TCF7L1: variants seen among roughly 807,000 people sequenced by gnomAD.
TCF7L1 encodes the protein transcription factor 7-like 1.
In TCF7L1, 18 loss-of-function variants were observed where a neutral mutation model predicts 63.7. The ratio of observed to expected loss-of-function variants is 0.28; its 90% confidence interval spans 0.20 to 0.42. The LOEUF is 0.42. TCF7L1 is among the 10% of genes least tolerant of loss of function. TCF7L1 has a pLI of 1.00. For synonymous variants in TCF7L1, 355 were observed against 340.9 expected, an observed-to-expected ratio of 1.04 and a Z score of -0.46; for missense variants, 654 against 779.3, an observed-to-expected ratio of 0.84 and a Z score of 1.91.
Position 85,306,650 on chromosome 2 carries a change from T to A in TCF7L1, c.1257+91T>A. On this transcript the variant is annotated intron_variant, in intron 10 of 11. Coordinates refer to ENST00000282111, the MANE Select transcript of TCF7L1 (RefSeq NM_031283.3). The surrounding 1 kb of genome is among the most constrained non-coding windows in gnomAD (Gnocchi z 4.3). ...GTGAAGGAAAGCAACTGCATTTATTTTTATTTATTTTATTTTCTTTTATTT... is the reference window on the plus strand; with the variant it reads ...GTGAAGGAAAGCAACTGCATTTATTATTATTTATTTTATTTTCTTTTATTT... The A allele has an allele frequency of 1.0e-6, 1 of 980,756 alleles. No individual in the cohort carries two copies. The highest frequency in any genetic ancestry group is 1.5e-6 in the Non-Finnish European group (1 of 666,190). The allele number at this position is 980,756 out of a possible 1,614,324, so 60.8% of individuals were successfully genotyped here. A position where few individuals can be genotyped will look rare whatever the true frequency, so the allele number is the denominator to read the frequency against.
At chr2:85,196,702 T>G (rs1223693509) in intron 3 of TCF7L1, among the ~76,000 whole-genome samples, 1 of 152,150 alleles carries the variant, frequency 6.6e-6, no homozygotes, top group Non-Finnish European at 1.5e-5. Context: ...GATTCCAATG[T>G]GTAGTCAAGG....
chr2:85,212,742 GT>G (rs1195222338), intron 3 of TCF7L1, among the ~76,000 whole-genome samples: 1 of 152,106 alleles, frequency 6.6e-6, no homozygotes, highest in African/African-American at 2.4e-5. Context: ...CTTGGTGCAC[GT>G]CAGTATCTTG....
At chr2:85,282,573 A>T (rs1458275299) in intron 3 of TCF7L1, among the ~76,000 whole-genome samples, 1 of 152,172 alleles carries the variant, frequency 6.6e-6, no homozygotes, top group Non-Finnish European at 1.5e-5. Context: ...ACCGTGAGTG[A>T]TAATAACCTT....
intron 3 of TCF7L1, among the ~76,000 whole-genome samples, chr2:85,274,946 G>A (rs776061365): frequency 3.3e-5 from 5 of 152,250 alleles, no homozygotes; most frequent in East Asian, 1.9e-4. Context: ...ACAGCCACAC[G>A]TGAGATAATC....
intron 3 of TCF7L1, among the ~76,000 whole-genome samples, chr2:85,155,922 G>A (rs1353105607): frequency 6.6e-6 from 1 of 152,192 alleles, no homozygotes; most frequent in Admixed American, 6.5e-5. Context: ...CAGAACAAAA[G>A]GCCCAGCTTG....
chr2:85,204,428 G>A (rs184658483), intron 3 of TCF7L1, among the ~76,000 whole-genome samples: 3 of 151,718 alleles, frequency 2.0e-5, no homozygotes, highest in Non-Finnish European at 4.4e-5. Flanking sequence ...ATGTTGGTAG[G>A]CATGTTAAGA....
chr2:85,259,024 G>A (rs1451415591), intron 3 of TCF7L1, among the ~76,000 whole-genome samples: 2 of 152,068 alleles, frequency 1.3e-5, no homozygotes, highest in African/African-American at 2.4e-5. Flanking sequence ...CCCCACACTC[G>A]GTGACACCCC....
At chr2:85,136,543 C>A (rs1677599488) in intron 3 of TCF7L1, among the ~76,000 whole-genome samples, 1 of 152,148 alleles carries the variant, frequency 6.6e-6, no homozygotes, top group Non-Finnish European at 1.5e-5. Flanking sequence ...GCCCAGGCAC[C>A]AGCCTCCTTT....
intron 3 of TCF7L1, among the ~76,000 whole-genome samples, chr2:85,138,572 G>A (rs1410866511): frequency 6.6e-6 from 1 of 152,156 alleles, no homozygotes; most frequent in African/African-American, 2.4e-5. Flanking sequence ...GAGAGGGCCT[G>A]TGTTGCTGAA....
intron 3 of TCF7L1, among the ~76,000 whole-genome samples, chr2:85,198,132 C>G (rs955020208): frequency 5.9e-5 from 9 of 152,178 alleles, no homozygotes; most frequent in Admixed American, 1.3e-4. Flanking sequence ...TCAAGTTGAC[C>G]AACAACCTTC....
intron 5 of TCF7L1, among the ~76,000 whole-genome samples, chr2:85,303,186 A>G (rs2104387879): frequency 1.3e-5 from 2 of 152,202 alleles, no homozygotes; most frequent in Middle Eastern, 6.8e-3. Flanking sequence ...GCATGCCACC[A>G]TGCCCTTGCC....
At chr2:85,182,831 C>T (rs1678834748) in intron 3 of TCF7L1, among the ~76,000 whole-genome samples, 1 of 152,170 alleles carries the variant, frequency 6.6e-6, no homozygotes, top group Non-Finnish European at 1.5e-5. Flanking sequence ...AGTGGTGGCT[C>T]CCACTTGGAG....
chr2:85,134,199 G>T lies in TCF7L1; in HGVS notation c.313+120G>T, dbSNP rs1677533758. 1 of 1,490,630 alleles carries T rather than the reference G, an allele frequency of 6.7e-7. No individual in the cohort carries two copies. The highest frequency in any genetic ancestry group is 2.3e-5 in the Admixed American group (1 of 44,206). 92.3% of individuals were successfully genotyped at this position (1,490,630 alleles called of 1,614,324 possible). On this transcript the variant is annotated intron_variant, in intron 2 of 11. Transcript: ENST00000282111. The surrounding 1 kb of genome is among the most constrained non-coding windows in gnomAD (Gnocchi z 5.0). ...GCACCCTTGCCCTCCGCCTTTATTG[G>T]CGGCAGCCCCCGTGGGGCGCGCGTG...
intron 3 of TCF7L1, among the ~76,000 whole-genome samples, chr2:85,137,283 G>A (rs1052743830): frequency 6.6e-6 from 1 of 152,168 alleles, no homozygotes. Context: ...ACCACTGGGG[G>A]CTGGCCCATC....
At chr2:85,176,984 CTCAAAAAAAAAAAAA>C in intron 3 of TCF7L1, among the ~76,000 whole-genome samples, 1 of 111,078 alleles carries the variant, frequency 9.0e-6, no homozygotes, top group East Asian at 2.5e-4. Context: ...GAGACTCTGT[CTCAAAAAAAAAAAAA>C]AAAAAAAAAA....
intron 3 of TCF7L1, among the ~76,000 whole-genome samples, chr2:85,158,478 G>T (rs1395501683): frequency 3.3e-5 from 5 of 152,172 alleles, no homozygotes; most frequent in Non-Finnish European, 5.9e-5. Flanking sequence ...GGTGATATGA[G>T]CCTGTTTAAA....
chr2:85,195,437 G>A (rs1438059635), intron 3 of TCF7L1, among the ~76,000 whole-genome samples: 1 of 152,306 alleles, frequency 6.6e-6, no homozygotes, highest in Non-Finnish European at 1.5e-5. Context: ...GTGACAGAGC[G>A]AGGAGACACT....
chr2:85,301,770 C>G (rs548319295), intron 4 of TCF7L1, among the ~76,000 whole-genome samples: 3 of 152,298 alleles, frequency 2.0e-5, no homozygotes, highest in South Asian at 4.1e-4. Context: ...GCCCTGTTCC[C>G]AGTCCCAGAC....
intron 3 of TCF7L1, among the ~76,000 whole-genome samples, chr2:85,247,252 A>T (rs1680487791): frequency 6.6e-6 from 1 of 152,246 alleles, no homozygotes; most frequent in Non-Finnish European, 1.5e-5. Context: ...GACCGCTATT[A>T]TTAACCTCTC....
Sources: allele counts gnomAD v4.1 joint callset (sites outside exome capture counted in the v4.1 genomes callset), GRCh38; gene constraint gnomAD v4.1.1; non-coding constraint Gnocchi (gnomAD v3.1); transcripts MANE v1.5; gene names NCBI Gene and HGNC (gene_info 2026-07-23, HGNC 2026-07-21).